The following DNAH14 variants were observed in gnomAD, a reference collection of about 807,000 sequenced individuals.
The protein encoded by DNAH14 is axonemal beta dynein heavy chain 14.
In DNAH14, 478 loss-of-function variants were observed where a neutral mutation model predicts 520.9. The ratio of observed to expected loss-of-function variants is 0.92; its 90% CI spans 0.85 to 0.99. The LOEUF is 0.99. Ranked by LOEUF, DNAH14 falls within the 50% of genes least tolerant of loss-of-function variation. DNAH14 has a pLI of 0.00. For synonymous variants in DNAH14, 1,581 were observed against 1,757.2 expected (o/e 0.90, Z 2.51); for missense variants, 4,831 against 5,234.5 (o/e 0.92, Z 2.38).
At chr1:225,034,685 G>C (rs1168579066) in intron 11 of DNAH14, among the ~76,000 whole-genome samples, 4 of 152,048 alleles carry the variant, frequency 2.6e-5, no homozygotes, top group African/African-American at 9.7e-5. Context: ...GCTAGAACTT[G>C]ACTGTGATTT....
rs1461215714 is a variant in DNAH14 at position 225,073,996 on chromosome 1, T to G, written c.2425-5211T>G. 5.6e-5 allele frequency among the ~76,000 whole-genome samples: 7 copies of G among 124,986 alleles called. 1 individual carries two copies. The highest frequency in any genetic ancestry group is 7.9e-5 in the Admixed American group (1 of 12,732). 82.0% of individuals were successfully genotyped at this position (124,986 alleles called of 152,430 possible). ...GCACTCAGCTGTTTTAGGAAGTTTT[T>G]TTTTTTTTTTTTTTTTTTTTTGAGA... On this transcript the variant is annotated intron_variant, in intron 17 of 85. Transcript: ENST00000682510.
Position 225,331,447 on chromosome 1 carries a change from A to G in DNAH14, c.9734A>G (p.His3245Arg). Residue 3245 changes from histidine (H) to arginine (R), a missense_variant, in exon 65 of 86, where the codon CAT becomes CGT. Coordinates refer to ENST00000682510, the MANE Select transcript of DNAH14 (RefSeq NM_001367479.1). ...TTAATTATCTTTCAGGTTGAAGAACATTTGCTGTTTTTACAGGCAGCTTAC... is the reference window on the plus strand; with the variant it reads ...TTAATTATCTTTCAGGTTGAAGAACGTTTGCTGTTTTTACAGGCAGCTTAC... Reference protein sequence around the residue: ...KQRGLQLVEEHLLFLQAAYKD... With the variant: ...KQRGLQLVEERLLFLQAAYKD... 6.4e-7 allele frequency: 1 copy of G among 1,550,606 alleles called. No individual in the cohort carries two copies. The highest frequency in any genetic ancestry group is 8.7e-7 in the Non-Finnish European group (1 of 1,146,582).
intron 75 of DNAH14, among the ~76,000 whole-genome samples, chr1:225,362,837 C>G (rs1287008866): frequency 6.6e-6 from 1 of 151,836 alleles, no homozygotes; most frequent in African/African-American, 2.4e-5. Flanking sequence ...GATATATGTT[C>G]ACAACATATT....
At chr1:225,293,184 G>A (rs971842302) in intron 55 of DNAH14, among the ~76,000 whole-genome samples, 4 of 152,162 alleles carry the variant, frequency 2.6e-5, no homozygotes, top group Non-Finnish European at 5.9e-5. Flanking sequence ...AAATGCTGAT[G>A]AGGTCATAGA....
intron 36 of DNAH14, among the ~76,000 whole-genome samples, chr1:225,183,806 A>C (rs543307025): frequency 6.6e-6 from 1 of 152,248 alleles, no homozygotes; most frequent in East Asian, 1.9e-4. Context: ...CTATTTACAC[A>C]AAATAGAAAA....
chr1:225,319,529 C>G (rs369961447), intron 61 of DNAH14, among the ~76,000 whole-genome samples: 5 of 152,126 alleles, frequency 3.3e-5, no homozygotes, highest in African/African-American at 1.2e-4. Flanking sequence ...TTTTTTTGAT[C>G]AATATATTTT....
chr1:224,960,346 T>C (rs1220263983), intron 4 of DNAH14, 44 bp downstream of exon 4: 1 of 1,459,814 alleles, frequency 6.9e-7, no homozygotes, highest in Admixed American at 2.5e-5. Flanking sequence ...TCACTATACT[T>C]TTTCAGATTA....
At chr1:225,047,507 T>G (rs1014143968) in intron 15 of DNAH14, among the ~76,000 whole-genome samples, 16 of 152,216 alleles carry the variant, frequency 1.1e-4, no homozygotes, top group African/African-American at 3.9e-4. Context: ...CAGTAAAAGT[T>G]TGTAGCTAGG....
chr1:225,293,364 C>T (rs917258861), intron 55 of DNAH14, among the ~76,000 whole-genome samples: 2 of 152,118 alleles, frequency 1.3e-5, no homozygotes, highest in African/African-American at 4.8e-5. Context: ...TATAAAGATA[C>T]ATGCATGTGT....
Position 225,240,607 on chromosome 1 carries a change from G to A in DNAH14, c.6533G>A (p.Trp2178Ter). Reference sequence around the variant, plus strand: ...GTCTACCCCAGGGATGAAAATACATGGTATCCAGAGAAAAATCCTGATAAA... The same window carrying A: ...GTCTACCCCAGGGATGAAAATACATAGTATCCAGAGAAAAATCCTGATAAA... ...KDIEKRDENT[W>*]YPEKNPDKLT... Residue 2178 changes from tryptophan to a stop codon, truncating the protein, a stop_gained, in exon 43 of 86, where the codon TGG becomes TAG. Transcript: ENST00000682510. LOFTEE classifies it high-confidence loss of function. 3 of 1,547,486 alleles carry A rather than the reference G, an allele frequency of 1.9e-6. No individual in the cohort carries two copies. Among genetic ancestry groups the A allele is most frequent in the Non-Finnish European group, 2.6e-6 (3 of 1,143,910 alleles).
Position 225,352,074 on chromosome 1 carries a change from C to T in DNAH14, c.11533+191C>T, listed in dbSNP as rs190839179. ...TCCCTGAAAGGATTATAATGAACTT[C>T]ACGAGAAAATCTGATTAGAAATCAG... On this transcript the variant is annotated intron_variant, in intron 72 of 85. Transcript: ENST00000682510. Among the ~76,000 whole-genome samples, 20 of 145,970 alleles carry T rather than the reference C, an allele frequency of 1.4e-4. 1 individual carries two copies. The highest frequency in any genetic ancestry group is 2.5e-4 in the Non-Finnish European group (16 of 65,094).
intron 35 of DNAH14, among the ~76,000 whole-genome samples, chr1:225,165,918 G>T (rs987641550): frequency 2.0e-5 from 3 of 151,958 alleles, no homozygotes; most frequent in African/African-American, 7.3e-5. Context: ...AATGCGATTT[G>T]ATGTTTTTTT....
rs1402388151 is a variant in DNAH14 at position 225,345,934 on chromosome 1, T to C, written c.10679-28T>C. 4 of 1,515,834 alleles carry C rather than the reference T, an allele frequency of 2.6e-6. No individual in the cohort carries two copies. In the South Asian group the frequency reaches 3.8e-5, roughly 14 times the overall value. 93.9% of individuals were successfully genotyped at this position (1,515,834 alleles called of 1,614,324 possible). A position where few individuals can be genotyped will look rare whatever the true frequency, so the allele number is the denominator to read the frequency against. ...CCATTTACTGTTACAATAGTCTTTA[T>C]TTAACTTCACTTTTTGTTTGTCTTT... On this transcript the variant is annotated intron_variant, in intron 69 of 85. Transcript: ENST00000682510.
chr1:225,060,742 C>T lies in DNAH14; in HGVS notation c.2424+8947C>T, dbSNP rs1404307045. ...AGTTTTCCTTCTAACAGTCAGGACC[C>T]TCAGCTGCAGGTCTGTTGGAATTTG... On this transcript the variant is annotated intron_variant, in intron 17 of 85. Transcript: ENST00000682510. Among the ~76,000 whole-genome samples the T allele has an allele frequency of 4.4e-5, 2 of 45,904 alleles. 1 individual carries two copies. Among genetic ancestry groups the T allele is most frequent in the Non-Finnish European group, 4.1e-4 (2 of 4,922 alleles). The allele number at this position is 45,904 out of a possible 152,430, so 30.1% of individuals were successfully genotyped here.
At chr1:225,185,269 A>G (rs1489241760) in intron 36 of DNAH14, 22 bp from the exon 37 acceptor site, 1 of 1,537,592 alleles carries the variant, frequency 6.5e-7, no homozygotes, top group Non-Finnish European at 8.7e-7. Flanking sequence ...ATGAATGAAT[A>G]AATCTGTAAA....
At chr1:225,250,246 A>G (rs1028316584) in intron 43 of DNAH14, among the ~76,000 whole-genome samples, 1 of 152,164 alleles carries the variant, frequency 6.6e-6, no homozygotes, top group Non-Finnish European at 1.5e-5. Flanking sequence ...TTTGGAGGCA[A>G]TTTGTCATTG....
intron 8 of DNAH14, among the ~76,000 whole-genome samples, chr1:224,998,502 C>G (rs909712466): frequency 6.6e-6 from 1 of 152,096 alleles, no homozygotes; most frequent in African/African-American, 2.4e-5. Context: ...TAATTTTCCT[C>G]GAGTCTTTCT....
chr1:225,097,336 C>A, intron 22 of DNAH14, 97 bp downstream of exon 22: 1 of 1,180,552 alleles, frequency 8.5e-7, no homozygotes, highest in Admixed American at 2.7e-5. Flanking sequence ...AATGAACAAA[C>A]TATCTTATCC....
At chr1:225,151,592 C>T (rs887972889) in intron 31 of DNAH14, among the ~76,000 whole-genome samples, 12 of 152,192 alleles carry the variant, frequency 7.9e-5, no homozygotes, top group Admixed American at 6.5e-4. Flanking sequence ...TAAACTGGGG[C>T]TAGGGACACT....
Sources: gnomAD v4.1 joint callset for allele counts (sites outside exome capture counted in the v4.1 genomes callset) on GRCh38, gnomAD v4.1.1 for gene constraint, MANE v1.5 for transcripts, NCBI Gene and HGNC (gene_info 2026-07-23, HGNC 2026-07-21) for gene names.